Variants in TSPEAR observed in about 807,000 individuals in gnomAD.
TSPEAR encodes thrombospondin-type laminin G domain and EAR repeat-containing protein.
A neutral mutation model predicts 71.6 loss-of-function variants in TSPEAR; 69 were observed. The ratio of observed to expected loss-of-function variants is 0.96; its 90% CI spans 0.79 to 1.18. The LOEUF (loss-of-function observed/expected upper bound fraction) is 1.18, where lower values mean the gene tolerates loss of function less well. Ranked by LOEUF, TSPEAR falls within the 50% of genes most tolerant of loss-of-function variation. The pLI, the probability that TSPEAR is intolerant of heterozygous loss-of-function variation, is 0.00. For synonymous variants in TSPEAR, 402 were observed against 387.2 expected (o/e 1.04, Z -0.45); for missense variants, 971 against 894.9 (o/e 1.09, Z -1.09).
Position 44,558,102 on chromosome 21 carries a change from C to T in TSPEAR, c.303+9683G>A, listed in dbSNP as rs782515870. 2.4e-5 allele frequency: 38 copies of T among 1,610,362 alleles called. No homozygotes were observed. Among genetic ancestry groups the T allele is most frequent in the South Asian group, 1.5e-4 (14 of 90,832 alleles). On this transcript the variant is annotated intron_variant, in intron 2 of 11. Coordinates refer to ENST00000323084, the MANE Select transcript of TSPEAR (RefSeq NM_144991.3). ...GAGGCCGCAGCACGCGGAAGAGAGG[C>T]GGGAGCACGTGGGGCGGCAGAGGAG... is the stretch of plus-strand genomic sequence containing the variant.
intron 1 of TSPEAR, among the ~76,000 whole-genome samples, chr21:44,573,293 C>T (rs9974056): frequency 0.038 from 5,737 of 152,054 alleles, 339 homozygotes; most frequent in African/African-American, 0.13. Context: ...TAGGCACCCA[C>T]TCCCCATAGC....
At chr21:44,507,449 C>T (rs1225599371) in intron 10 of TSPEAR, among the ~76,000 whole-genome samples, 4 of 152,112 alleles carry the variant, frequency 2.6e-5, no homozygotes, top group African/African-American at 9.7e-5. Flanking sequence ...AGGGAATTCC[C>T]CATGCTGGGT....
chr21:44,540,753 A>T (rs896043709), intron 2 of TSPEAR, among the ~76,000 whole-genome samples: 5 of 152,168 alleles, frequency 3.3e-5, no homozygotes, highest in Non-Finnish European at 5.9e-5. Context: ...AGCCCCAAAC[A>T]GGGAGAAGGG....
intron 1 of TSPEAR, among the ~76,000 whole-genome samples, chr21:44,674,118 C>CAA (rs35708048): frequency 0.072 from 9,843 of 136,780 alleles, 1,166 homozygotes; most frequent in African/African-American, 0.25. Flanking sequence ...GACTCCATCT[C>CAA]AAAAAAAAAA....
intron 1 of TSPEAR, chr21:44,658,018 C>G (rs782252650): frequency 6.2e-6 from 10 of 1,613,992 alleles, no homozygotes; most frequent in South Asian, 2.2e-5. Flanking sequence ...GCCAGCCAAC[C>G]TGCTGCATAC....
At chr21:44,557,750 T>C in intron 2 of TSPEAR, 1 of 442,510 alleles carries the variant, frequency 2.3e-6, no homozygotes, top group South Asian at 3.4e-5. Flanking sequence ...GTTGAAGTTC[T>C]TCCCACAGGG....
chr21:44,611,294 A>C (rs1249040330), intron 1 of TSPEAR, among the ~76,000 whole-genome samples: 1 of 152,018 alleles, frequency 6.6e-6, no homozygotes, highest in East Asian at 1.9e-4. Flanking sequence ...AGGGGGAGAT[A>C]ATTGAATCAT....
chr21:44,549,162 G>C (rs1476150490), intron 2 of TSPEAR, among the ~76,000 whole-genome samples: 1 of 152,200 alleles, frequency 6.6e-6, no homozygotes, highest in African/African-American at 2.4e-5. Flanking sequence ...AAACATTTAG[G>C]GGAAGGGGTC....
chr21:44,558,549 G>T (rs782243554), intron 2 of TSPEAR: 13 of 1,613,252 alleles, frequency 8.1e-6, no homozygotes, highest in African/African-American at 1.3e-5. Flanking sequence ...CTGGCAGCAG[G>T]GGCTGGACAC....
At chr21:44,693,975 CA>C (rs1209357258) in intron 1 of TSPEAR, among the ~76,000 whole-genome samples, 5 of 152,154 alleles carry the variant, frequency 3.3e-5, no homozygotes, top group Admixed American at 3.3e-4. Context: ...TCACACTTCC[CA>C]ATTTTAAAAC....
At chr21:44,665,890 G>C (rs1985726768) in intron 1 of TSPEAR, among the ~76,000 whole-genome samples, 1 of 152,202 alleles carries the variant, frequency 6.6e-6, no homozygotes, top group Admixed American at 6.5e-5. Flanking sequence ...ATGCTCTGAG[G>C]CTTTGGCCAT....
chr21:44,550,580 C>T, intron 2 of TSPEAR: 2 of 1,479,626 alleles, frequency 1.4e-6, no homozygotes, highest in Non-Finnish European at 9.1e-7. Flanking sequence ...GCGGCTGTGG[C>T]TGGGGCTGCT....
intron 1 of TSPEAR, among the ~76,000 whole-genome samples, chr21:44,679,671 T>C (rs1555947606): frequency 6.6e-6 from 1 of 152,172 alleles, no homozygotes; most frequent in African/African-American, 2.4e-5. Context: ...AACAGCATAG[T>C]ATTGGTATAA....
At chr21:44,627,719 G>T in intron 1 of TSPEAR, 1 of 1,595,054 alleles carries the variant, frequency 6.3e-7, no homozygotes, top group Non-Finnish European at 8.6e-7. Flanking sequence ...CAGTCCTACT[G>T]TGTGCCTGTC....
chr21:44,655,126 G>A (rs1420036072), intron 1 of TSPEAR, among the ~76,000 whole-genome samples: 4 of 152,224 alleles, frequency 2.6e-5, no homozygotes, highest in African/African-American at 7.2e-5. Flanking sequence ...GTCTAGCACT[G>A]TGCCAGGCTG....
chr21:44,708,044 CA>C (rs1988028287), intron 1 of TSPEAR, among the ~76,000 whole-genome samples: 7 of 137,442 alleles, frequency 5.1e-5, no homozygotes, highest in African/African-American at 1.7e-4. Context: ...CACACACACA[CA>C]CCACACAGCA....
At chr21:44,512,641 G>A (rs1555912871) in intron 9 of TSPEAR, among the ~76,000 whole-genome samples, 1 of 152,194 alleles carries the variant, frequency 6.6e-6, no homozygotes, top group Non-Finnish European at 1.5e-5. Flanking sequence ...CTGGTCTGGT[G>A]GGACCTGTAG....
At chr21:44,563,178 A>G (rs1601420291) in intron 2 of TSPEAR, among the ~76,000 whole-genome samples, 2 of 152,316 alleles carry the variant, frequency 1.3e-5, no homozygotes, top group Middle Eastern at 6.8e-3. Context: ...GAAGAGAATC[A>G]GAAATGATAA....
intron 2 of TSPEAR, chr21:44,558,761 G>C: frequency 6.4e-7 from 1 of 1,561,774 alleles, no homozygotes; most frequent in Non-Finnish European, 8.7e-7. Flanking sequence ...GAGTGAGTGA[G>C]TGTGGGAGTG....
Sources: allele counts gnomAD v4.1 joint callset (sites outside exome capture counted in the v4.1 genomes callset), GRCh38; gene constraint gnomAD v4.1.1; transcripts MANE v1.5; gene names NCBI Gene and HGNC (gene_info 2026-07-23, HGNC 2026-07-21).